CNIH3: variants seen among roughly 807,000 people sequenced by gnomAD.
The protein encoded by CNIH3 is cornichon family AMPA receptor auxiliary protein 3.
Under a neutral mutation model 24.1 loss-of-function variants are expected in CNIH3, and 14 were observed. The observed-to-expected ratio is 0.58, with a 90% CI of 0.38 to 0.91. The LOEUF is 0.91. Among genes scored for constraint, CNIH3 ranks in the 40% least tolerant of loss-of-function variants. CNIH3 has a pLI of 0.00. For missense variants in CNIH3, 178 were observed against 196.8 expected (o/e 0.90, Z 0.57); for synonymous variants, 68 against 73.8 (o/e 0.92, Z 0.40).
intron 3 of CNIH3, among the ~76,000 whole-genome samples, chr1:224,605,612 A>G (rs2125045648): frequency 6.6e-6 from 1 of 152,302 alleles, no homozygotes; most frequent in East Asian, 1.9e-4. Flanking sequence ...TAACAGCACT[A>G]CTACAGAAAC....
intron 1 of CNIH3, among the ~76,000 whole-genome samples, chr1:224,445,574 T>TAAA (rs369951294): frequency 0.01 from 923 of 90,360 alleles, 31 homozygotes; most frequent in African/African-American, 0.042. Context: ...GGACTCTGCT[T>TAAA]AAAAAAAAAA....
intron 1 of CNIH3, among the ~76,000 whole-genome samples, chr1:224,467,768 C>T (rs998386057): frequency 2.0e-5 from 3 of 150,838 alleles, no homozygotes; most frequent in East Asian, 1.9e-4. Flanking sequence ...TTCTCCCAGC[C>T]GTAGGTTTTG....
At chr1:224,471,837 G>A (rs1186785204) in intron 1 of CNIH3, among the ~76,000 whole-genome samples, 1 of 151,976 alleles carries the variant, frequency 6.6e-6, no homozygotes, top group African/African-American at 2.4e-5. Context: ...TGATCCACCG[G>A]CCTCGGCCTC....
At chr1:224,706,371 G>A (rs763784001) in intron 3 of CNIH3, among the ~76,000 whole-genome samples, 6 of 152,010 alleles carry the variant, frequency 3.9e-5, no homozygotes, top group Non-Finnish European at 5.9e-5. Context: ...CAAATTACAG[G>A]CAATGACGCA....
Position 224,600,621 on chromosome 1 carries a change from G to A in CNIH3, n.402+34357G>A, listed in dbSNP as rs200854511. On this transcript the variant is annotated intron_variant and non_coding_transcript_variant, in intron 3 of 7. Transcript: ENST00000478120. ...AACTCCTGGCCTCAAGCGATCCCCC[G>A]ACCTCAGCTTCCTGAATAGCTGGGA... 1.1e-4 allele frequency among the ~76,000 whole-genome samples: 16 copies of A among 152,272 alleles called. No homozygotes were observed. In the East Asian group the frequency reaches 2.9e-3, roughly 28 times the overall value.
intron 1 of CNIH3, among the ~76,000 whole-genome samples, chr1:224,510,730 C>T (rs990789910): frequency 4.6e-5 from 7 of 152,142 alleles, no homozygotes; most frequent in African/African-American, 1.4e-4. Context: ...ACAGAGGAGC[C>T]GGGTTCCAGG....
At chr1:224,735,683 G>A (rs1186040225) in intron 5 of CNIH3, among the ~76,000 whole-genome samples, 1 of 152,102 alleles carries the variant, frequency 6.6e-6, no homozygotes, top group Admixed American at 6.5e-5. Flanking sequence ...TAAAGATGGG[G>A]TCTCACTGTT....
At chr1:224,547,515 G>T (rs1020589418) in intron 3 of CNIH3, among the ~76,000 whole-genome samples, 1 of 151,602 alleles carries the variant, frequency 6.6e-6, no homozygotes, top group African/African-American at 2.4e-5. Flanking sequence ...CCCTGTGATA[G>T]TATTAGTAAT....
intron 5 of CNIH3, among the ~76,000 whole-genome samples, chr1:224,736,405 C>T (rs1164130602): frequency 1.3e-5 from 2 of 152,190 alleles, no homozygotes; most frequent in Admixed American, 6.5e-5. Context: ...GGATTACAGG[C>T]GTGAGCCACC....
At chr1:224,472,421 G>C (rs141198914) in intron 1 of CNIH3, among the ~76,000 whole-genome samples, 190 of 152,232 alleles carry the variant, frequency 1.2e-3, no homozygotes, top group Non-Finnish European at 2.6e-3. Context: ...AGAAAACATG[G>C]TATATATGTA....
At chr1:224,562,105 T>A (rs1394447218) in intron 3 of CNIH3, among the ~76,000 whole-genome samples, 1 of 152,202 alleles carries the variant, frequency 6.6e-6, no homozygotes, top group East Asian at 1.9e-4. Flanking sequence ...TTAAGGGATT[T>A]TTGTGGAAAT....
At chr1:224,679,062 T>G (rs1686272372) in intron 1 of CNIH3, among the ~76,000 whole-genome samples, 1 of 152,348 alleles carries the variant, frequency 6.6e-6, no homozygotes, top group African/African-American at 2.4e-5. Context: ...AATTTGAATT[T>G]TAATATAAGC....
intron 1 of CNIH3, among the ~76,000 whole-genome samples, chr1:224,657,143 C>G (rs1193148697): frequency 1.3e-5 from 2 of 152,102 alleles, no homozygotes; most frequent in African/African-American, 4.8e-5. Context: ...GGTATGGCTA[C>G]CTGCCCTGGG....
chr1:224,479,474 A>G (rs946973042), intron 1 of CNIH3, among the ~76,000 whole-genome samples: 4 of 152,132 alleles, frequency 2.6e-5, no homozygotes, highest in African/African-American at 9.7e-5. Flanking sequence ...GTCTTAACTC[A>G]TTTCAGCATT....
chr1:224,512,170 C>T (rs903675956), upstream of CNIH3, among the ~76,000 whole-genome samples: 20 of 139,604 alleles, frequency 1.4e-4, no homozygotes, highest in African/African-American at 5.2e-4. Context: ...AGTGAAACAC[C>T]GTCTCAAAAA....
chr1:224,475,358 A>C (rs1224525641), intron 1 of CNIH3, among the ~76,000 whole-genome samples: 2 of 150,920 alleles, frequency 1.3e-5, no homozygotes, highest in Non-Finnish European at 3.0e-5. Context: ...TCCATCTCAA[A>C]AAAAAAAAGA....
chr1:224,514,925 GCCTA>G (rs1256815619), upstream of CNIH3, among the ~76,000 whole-genome samples: 1 of 152,198 alleles, frequency 6.6e-6, no homozygotes, highest in Non-Finnish European at 1.5e-5. Context: ...CCTGTGTGGA[GCCTA>G]GGCCAGAGAA....
chr1:224,577,613 A>G (rs6696059), intron 4 of CNIH3, among the ~76,000 whole-genome samples: 20,616 of 152,182 alleles, frequency 0.14, 1,523 homozygotes, highest in East Asian at 0.26. Context: ...ACTGCTGGTG[A>G]GAATGTAAAC....
At chr1:224,562,147 G>C (rs1474259000) in intron 3 of CNIH3, among the ~76,000 whole-genome samples, 1 of 151,984 alleles carries the variant, frequency 6.6e-6, no homozygotes, top group Non-Finnish European at 1.5e-5. Flanking sequence ...CTTTTGTATT[G>C]GGCTTCAACA....
Sources: allele counts gnomAD v4.1 joint callset (sites outside exome capture counted in the v4.1 genomes callset), GRCh38; gene constraint gnomAD v4.1.1; transcripts MANE v1.5; gene names NCBI Gene and HGNC (gene_info 2026-07-23, HGNC 2026-07-21).